Variants in PDIA5 observed in about 807,000 individuals in gnomAD.
PDIA5 encodes the protein protein disulfide-isomerase A5.
PDIA5 carries 58 observed loss-of-function variants against 77.6 expected under a neutral mutation model. The observed-to-expected ratio is 0.75, with a 90% CI of 0.61 to 0.93. The LOEUF (loss-of-function observed/expected upper bound fraction) is 0.93. PDIA5 is among the 40% of genes least tolerant of loss of function. The pLI is 0.00. For synonymous variants in PDIA5, 250 were observed against 252.1 expected, an observed-to-expected ratio of 0.99 and a Z score of 0.08; for missense variants, 630 against 647.7, an observed-to-expected ratio of 0.97 and a Z score of 0.30.
intron 15 of PDIA5, 21 bp downstream of exon 15, chr3:123,155,062 C>T (rs746388935): frequency 1.3e-6 from 2 of 1,538,926 alleles, no homozygotes; most frequent in East Asian, 4.5e-5. Flanking sequence ...CGCTCTTCAT[C>T]TCTTGATCTG....
intron 1 of PDIA5, among the ~76,000 whole-genome samples, chr3:123,068,543 G>A (rs1490070782): frequency 6.6e-6 from 1 of 152,220 alleles, no homozygotes; most frequent in Non-Finnish European, 1.5e-5. Flanking sequence ...TGGGCCAGGA[G>A]GAGGGAGCTA....
At chr3:123,130,693 G>A in intron 11 of PDIA5, 77 bp downstream of exon 11, 1 of 1,518,918 alleles carries the variant, frequency 6.6e-7, no homozygotes, top group Non-Finnish European at 9.1e-7. Flanking sequence ...TTTGCAATGT[G>A]AACCCAGGAA....
At chr3:123,127,852 A>C (rs1935279283) in intron 10 of PDIA5, among the ~76,000 whole-genome samples, 1 of 152,162 alleles carries the variant, frequency 6.6e-6, no homozygotes, top group Non-Finnish European at 1.5e-5. Context: ...GCCTTCCCTC[A>C]TTCAAGGAAT....
intron 2 of PDIA5, among the ~76,000 whole-genome samples, chr3:123,090,730 GC>G (rs1355690106): frequency 6.6e-6 from 1 of 151,990 alleles, no homozygotes; most frequent in Non-Finnish European, 1.5e-5. Context: ...GAAAGGTGGG[GC>G]CCTGTTGTCA....
intron 6 of PDIA5, among the ~76,000 whole-genome samples, chr3:123,110,277 C>G (rs990729259): frequency 2.6e-5 from 4 of 152,276 alleles, no homozygotes; most frequent in Middle Eastern, 3.4e-3. Context: ...ACATGCCTGG[C>G]ACTGTTCTAA....
rs370968904 is a variant in PDIA5, at chr3:123,117,374, TTATATA to T, written c.609+1096_609+1101del. Among the ~76,000 whole-genome samples, 151 of 79,874 alleles carry T rather than the reference TTATATA, an allele frequency of 1.9e-3. 13 individuals carry two copies. The highest frequency in any genetic ancestry group is 5.9e-3 in the African/African-American group (123 of 20,780). The allele number at this position is 79,874 out of a possible 152,430, so 52.4% of individuals were successfully genotyped here. ...CTTTCTACTTTCTGTTTCTATGATT[TTATATA>T]TATATATATATATATATATTCTGTT... is the stretch of plus-strand genomic sequence containing the variant. On this transcript the variant is annotated intron_variant, in intron 8 of 16. Coordinates refer to ENST00000316218, the MANE Select transcript of PDIA5 (RefSeq NM_006810.4).
chr3:123,081,912 AGATGCTGGGTGGC>A (rs1261865222), intron 1 of PDIA5, among the ~76,000 whole-genome samples: 1 of 152,142 alleles, frequency 6.6e-6, no homozygotes, highest in Admixed American at 6.5e-5. Context: ...AGTCTGATGG[AGATGCTGGGTGGC>A]GATCAGCCTC....
At chr3:123,142,600 C>T (rs1935666796) in intron 11 of PDIA5, among the ~76,000 whole-genome samples, 2 of 152,200 alleles carry the variant, frequency 1.3e-5, no homozygotes, top group South Asian at 4.1e-4. Context: ...GAAGGGTTTA[C>T]CACTTTGATC....
intron 4 of PDIA5, 29 bp from the exon 5 acceptor site, chr3:123,102,722 G>A: frequency 6.4e-7 from 1 of 1,569,100 alleles, no homozygotes. Flanking sequence ...CATTCTTAAA[G>A]TTAACACATT....
intron 1 of PDIA5, among the ~76,000 whole-genome samples, chr3:123,079,610 A>C (rs1933944836): frequency 6.6e-6 from 1 of 151,962 alleles, no homozygotes; most frequent in Admixed American, 6.6e-5. Flanking sequence ...ATAGGTTTTA[A>C]CTCTTATGGT....
intron 15 of PDIA5, among the ~76,000 whole-genome samples, chr3:123,156,735 G>T (rs927754146): frequency 6.6e-6 from 1 of 152,144 alleles, no homozygotes. Context: ...ACAGATCCTG[G>T]GCTTGCCCTC....
intron 1 of PDIA5, among the ~76,000 whole-genome samples, chr3:123,087,879 C>T (rs142774961): frequency 2.0e-5 from 3 of 152,286 alleles, no homozygotes; most frequent in African/African-American, 7.2e-5. Flanking sequence ...CTCCAAATCA[C>T]TGTCTTTAGG....
At chr3:123,115,615 A>G (rs985271754) in intron 7 of PDIA5, among the ~76,000 whole-genome samples, 1 of 151,834 alleles carries the variant, frequency 6.6e-6, no homozygotes, top group African/African-American at 2.4e-5. Flanking sequence ...TAGAAAGTTG[A>G]GTGAAGATCA....
chr3:123,095,123 C>T (rs1934399542), intron 3 of PDIA5, among the ~76,000 whole-genome samples: 1 of 152,186 alleles, frequency 6.6e-6, no homozygotes, highest in African/African-American at 2.4e-5. Context: ...CCGGGCAAGT[C>T]GGTCACTCTG....
chr3:123,161,527 G>A, intron 16 of PDIA5, 72 bp downstream of exon 16: 2 of 1,463,034 alleles, frequency 1.4e-6, no homozygotes, highest in Non-Finnish European at 1.9e-6. Context: ...ACTGAGGAGG[G>A]GCAGCACTGG....
chr3:123,112,233 C>T (rs556353509), intron 7 of PDIA5, among the ~76,000 whole-genome samples: 109 of 152,286 alleles, frequency 7.2e-4, no homozygotes, highest in African/African-American at 2.3e-3. Flanking sequence ...GTCAGTGTTT[C>T]CCTGAAGGCT....
Position 123,162,004 on chromosome 3 carries a change from C to A in PDIA5, c.*44C>A. The A allele has an allele frequency of 8.9e-7, 1 of 1,124,820 alleles. No homozygotes were observed. The highest frequency in any genetic ancestry group is 2.4e-5 in the East Asian group (1 of 41,956). The allele number at this position is 1,124,820 out of a possible 1,614,324, so 69.7% of individuals were successfully genotyped here. A position where few individuals can be genotyped will look rare whatever the true frequency, so the allele number is the denominator to read the frequency against. On this transcript the variant is annotated 3_prime_UTR_variant, in exon 17 of 17. Transcript: ENST00000316218. ...CTTTTCCATTACACTGTGAATGATACCTGTTTTGTTGTTTCTGAATTTCCA... is the reference window on the plus strand; with the variant it reads ...CTTTTCCATTACACTGTGAATGATAACTGTTTTGTTGTTTCTGAATTTCCA...
chr3:123,123,974 T>C (rs374771360), intron 8 of PDIA5, 92 bp from the exon 9 acceptor site: 2 of 823,382 alleles, frequency 2.4e-6, no homozygotes, highest in Non-Finnish European at 4.2e-6. Flanking sequence ...CATATGTCTT[T>C]CTGGTGGGAC....
At chr3:123,077,222 C>T (rs1933878094) in intron 1 of PDIA5, among the ~76,000 whole-genome samples, 2 of 152,158 alleles carry the variant, frequency 1.3e-5, no homozygotes, top group South Asian at 2.1e-4. Context: ...TTTCTTAACT[C>T]CCCTTAGTCT....
Sources: allele counts gnomAD v4.1 joint callset (sites outside exome capture counted in the v4.1 genomes callset), GRCh38; gene constraint gnomAD v4.1.1; transcripts MANE v1.5; gene names NCBI Gene and HGNC (gene_info 2026-07-23, HGNC 2026-07-21).